Variants in GNG4 observed in about 807,000 individuals in gnomAD.
GNG4 encodes the protein G protein subunit gamma 4.
In GNG4, 4 loss-of-function variants were observed where a neutral mutation model predicts 5.8. That is an observed-to-expected ratio of 0.69 (90% CI 0.34 to 1.57). GNG4 has a LOEUF of 1.57. GNG4 is among the 40% of genes most tolerant of loss of function. The pLI is 0.06. For synonymous variants in GNG4, 29 were observed against 32.9 expected, an observed-to-expected ratio of 0.88 and a Z score of 0.41; for missense variants, 96 against 95.1, an observed-to-expected ratio of 1.01 and a Z score of -0.04.
intron 1 of GNG4, among the ~76,000 whole-genome samples, chr1:235,610,949 G>C (rs747562560): frequency 1.3e-4 from 20 of 152,256 alleles, no homozygotes; most frequent in Non-Finnish European, 2.5e-4. Flanking sequence ...TTTGCCAGGC[G>C]TGGTGGCCCA....
Position 235,615,636 on chromosome 1 carries a change from CT to C in GNG4, c.-122-20126del, listed in dbSNP as rs1688572414. 4 of 228,366 alleles carry C rather than the reference CT, an allele frequency of 1.8e-5. No homozygotes were observed. In the South Asian group the frequency reaches 3.3e-4, roughly 19 times the overall value. The allele number at this position is 228,366 out of a possible 1,614,324, so 14.1% of individuals were successfully genotyped here. On this transcript the variant is annotated intron_variant, in intron 1 of 3. Transcript: ENST00000391854. ...CCAAGTCTGCAGTGGTGTCTGGGGGCTTTTATTTTTATTTTTCAGAGATCTT... is the reference window on the plus strand; with the variant it reads ...CCAAGTCTGCAGTGGTGTCTGGGGGCTTTATTTTTATTTTTCAGAGATCTT...
At chr1:235,588,013 ACT>A (rs1558486861) in intron 2 of GNG4, among the ~76,000 whole-genome samples, 1 of 151,274 alleles carries the variant, frequency 6.6e-6, no homozygotes, top group East Asian at 1.9e-4. Flanking sequence ...AGCAGAGCCG[ACT>A]CTCAGTCCCG....
At chr1:235,592,292 G>C (rs1484745351) in intron 2 of GNG4, among the ~76,000 whole-genome samples, 3 of 152,176 alleles carry the variant, frequency 2.0e-5, no homozygotes, top group African/African-American at 7.2e-5. Flanking sequence ...GATCACTTGA[G>C]ATCAGGAGTT....
chr1:235,594,150 C>T (rs1293301429), intron 2 of GNG4, among the ~76,000 whole-genome samples: 1 of 151,936 alleles, frequency 6.6e-6, no homozygotes, highest in Non-Finnish European at 1.5e-5. Context: ...ACAGAGTGTC[C>T]ACACAAAGGT....
In GNG4 at chr1:235,594,228, C is replaced by G. The variant is rs193007553; in HGVS notation, c.-11+1172G>C. Among the ~76,000 whole-genome samples the G allele has an allele frequency of 4.3e-3, 648 of 152,270 alleles. 3 individuals carry two copies. The highest frequency in any genetic ancestry group is 0.015 in the African/African-American group (628 of 41,556). The stretch of plus-strand genomic sequence containing the variant: ...TGATGCATTCACAAACCCTGCAAAC[C>G]CTGAGCTAGACACAGGGTGCTGATT... On this transcript the variant is annotated intron_variant, in intron 2 of 3. Transcript: ENST00000391854.
chr1:235,564,620 T>C (rs1045995383), intron 3 of GNG4, among the ~76,000 whole-genome samples: 3 of 152,212 alleles, frequency 2.0e-5, no homozygotes, highest in Non-Finnish European at 2.9e-5. Context: ...CAAATATTTA[T>C]TTTTACATCA....
intron 1 of GNG4, among the ~76,000 whole-genome samples, chr1:235,633,782 C>T (rs1013564852): frequency 6.6e-6 from 1 of 152,190 alleles, no homozygotes; most frequent in African/African-American, 2.4e-5. Flanking sequence ...AGCCACTGTG[C>T]TCAGCCTATT....
chr1:235,592,979 GCT>G (rs1688015122), intron 2 of GNG4, among the ~76,000 whole-genome samples: 1 of 142,232 alleles, frequency 7.0e-6, no homozygotes, highest in African/African-American at 2.6e-5. Flanking sequence ...ATGGAGTCTT[GCT>G]CTTTTACCCA....
At chr1:235,624,763 A>T (rs971936060) in intron 1 of GNG4, among the ~76,000 whole-genome samples, 1 of 152,198 alleles carries the variant, frequency 6.6e-6, no homozygotes, top group Non-Finnish European at 1.5e-5. Flanking sequence ...AGATCAAAGA[A>T]GGTTTCCTTG....
chr1:235,600,613 A>T (rs561832657), intron 1 of GNG4, among the ~76,000 whole-genome samples: 20 of 151,544 alleles, frequency 1.3e-4, no homozygotes, highest in African/African-American at 4.4e-4. Flanking sequence ...TTGTACAGAC[A>T]GGATCTCACT....
At chr1:235,559,198 A>C (rs1441665981) in intron 3 of GNG4, among the ~76,000 whole-genome samples, 4 of 152,178 alleles carry the variant, frequency 2.6e-5, no homozygotes, top group African/African-American at 9.7e-5. Context: ...CTCCTACTCC[A>C]AGAAAACAAA....
At chr1:235,579,136 C>T (rs991799769) in intron 3 of GNG4, among the ~76,000 whole-genome samples, 8 of 150,950 alleles carry the variant, frequency 5.3e-5, no homozygotes, top group Non-Finnish European at 8.8e-5. Context: ...GAAATAAATT[C>T]GAGAGGTTTA....
chr1:235,650,392 G>A (rs956611863), upstream of GNG4, among the ~76,000 whole-genome samples: 4 of 152,070 alleles, frequency 2.6e-5, no homozygotes, highest in Non-Finnish European at 5.9e-5. Context: ...ACGGGGCCGC[G>A]GTCAGCGCGG....
intron 1 of GNG4, among the ~76,000 whole-genome samples, chr1:235,628,917 G>T (rs1044351234): frequency 2.6e-5 from 4 of 151,834 alleles, no homozygotes; most frequent in African/African-American, 7.3e-5. Flanking sequence ...GGACCCAGGA[G>T]ATGGACATGC....
rs1657434471 is a variant in GNG4 at position 235,644,147 on chromosome 1, C to G, written c.-123+5515G>C. On this transcript the variant is annotated intron_variant, in intron 1 of 3. Transcript: ENST00000391854. This position sits in a 1 kb window ranked among gnomAD's most constrained non-coding sequence, Gnocchi z 5.9. ...GCCTTCCAGAGACAGGGCTGGGTGG[C>G]GGGAACGCGGGCACCCAGAGGTCCA... Among the ~76,000 whole-genome samples the G allele has an allele frequency of 6.6e-6, 1 of 152,146 alleles. No homozygotes were observed. Among genetic ancestry groups the G allele is most frequent in the Non-Finnish European group, 1.5e-5 (1 of 68,034 alleles).
intron 3 of GNG4, among the ~76,000 whole-genome samples, chr1:235,557,588 C>CA: frequency 6.6e-6 from 1 of 152,168 alleles, no homozygotes; most frequent in South Asian, 2.1e-4. Context: ...GCTAAACTGT[C>CA]ACGATAGCTC....
chr1:235,608,691 T>A (rs905116805), intron 1 of GNG4, among the ~76,000 whole-genome samples: 23 of 150,912 alleles, frequency 1.5e-4, no homozygotes, highest in Non-Finnish European at 2.8e-4. Flanking sequence ...TTTTTTATTT[T>A]TTTTTTTTTT....
At position 235,597,626 on chromosome 1, in the gene GNG4, G is replaced by A. The variant is rs1407117331; in HGVS notation, c.-122-2115C>T. ...TGTGTGTGTGTGTGTGTGTGTGTGTGTGTATTTTTTTTTTTTTCAGATGGA... is the reference window on the plus strand; with the variant it reads ...TGTGTGTGTGTGTGTGTGTGTGTGTATGTATTTTTTTTTTTTTCAGATGGA... On this transcript the variant is annotated intron_variant, in intron 1 of 3. Transcript: ENST00000391854. Among the ~76,000 whole-genome samples the A allele has an allele frequency of 4.0e-3, 342 of 84,914 alleles. 4 individuals carry two copies. Among genetic ancestry groups the A allele is most frequent in the African/African-American group, 0.015 (322 of 21,292 alleles). The allele number at this position is 84,914 out of a possible 152,430, so 55.7% of individuals were successfully genotyped here. A position where few individuals can be genotyped will look rare whatever the true frequency, so the allele number is the denominator to read the frequency against.
At chr1:235,593,571 C>T (rs571709147) in intron 2 of GNG4, among the ~76,000 whole-genome samples, 1 of 152,342 alleles carries the variant, frequency 6.6e-6, no homozygotes, top group African/African-American at 2.4e-5. Context: ...AATGAAGCTG[C>T]GGACCCGCGC....
Sources: gnomAD v4.1 joint callset for allele counts (sites outside exome capture counted in the v4.1 genomes callset) on GRCh38, gnomAD v4.1.1 for gene constraint, Gnocchi (gnomAD v3.1) non-coding constraint, MANE v1.5 for transcripts, NCBI Gene and HGNC (gene_info 2026-07-23, HGNC 2026-07-21) for gene names.